Variants in LRRC31 observed in about 807,000 individuals in gnomAD.
LRRC31 encodes leucine rich repeat containing 31.
A neutral mutation model predicts 46.7 loss-of-function variants in LRRC31; 35 were observed. The observed-to-expected ratio is 0.75, with a 90% confidence interval of 0.57 to 0.99. LRRC31 has a LOEUF of 0.99. Among genes scored for constraint, LRRC31 ranks in the 50% least tolerant of loss-of-function variants. The pLI, the probability that LRRC31 is intolerant of heterozygous loss-of-function variation, is 0.00. For missense variants in LRRC31, 613 were observed against 626.1 expected, an observed-to-expected ratio of 0.98 and a Z score of 0.22; for synonymous variants, 236 against 235.1, an observed-to-expected ratio of 1.00 and a Z score of -0.03.
chr3:169,843,441 T>A (rs1780511940), intron 8 of LRRC31, among the ~76,000 whole-genome samples: 1 of 152,208 alleles, frequency 6.6e-6, no homozygotes, highest in Non-Finnish European at 1.5e-5. Context: ...TGTAATACCC[T>A]ACACAGAGAA....
chr3:169,863,246 A>G (rs1425215092), intron 1 of LRRC31, among the ~76,000 whole-genome samples: 2 of 152,194 alleles, frequency 1.3e-5, no homozygotes, highest in African/African-American at 4.8e-5. Context: ...ATGAATATAC[A>G]TGTACTGACA....
intron 1 of LRRC31, among the ~76,000 whole-genome samples, chr3:169,867,065 T>TTTTTTTTTTTTTTTTTTTTTTG (rs1781357442): frequency 6.9e-6 from 1 of 144,434 alleles, no homozygotes. Flanking sequence ...GTTTGTTTTT[T>TTTTTTTTTTTTTTTTTTTTTTG]TTTTTTTGAG....
At chr3:169,852,178 C>T (rs1358985409) in intron 6 of LRRC31, among the ~76,000 whole-genome samples, 1 of 150,906 alleles carries the variant, frequency 6.6e-6, no homozygotes, top group Admixed American at 6.6e-5. Flanking sequence ...GCGGGTGGAT[C>T]ACGAGGTCAG....
intron 1 of LRRC31, among the ~76,000 whole-genome samples, chr3:169,863,728 C>T (rs921641189): frequency 5.9e-5 from 9 of 152,058 alleles, no homozygotes; most frequent in Non-Finnish European, 8.8e-5. Context: ...ACAGGGTGCC[C>T]AGTTAAATTT....
chr3:169,844,254 A>T (rs1270155568), intron 8 of LRRC31, among the ~76,000 whole-genome samples: 2 of 152,238 alleles, frequency 1.3e-5, no homozygotes, highest in African/African-American at 4.8e-5. Context: ...AAGATAATAC[A>T]TAATGACCAT....
At position 169,867,038 on chromosome 3, in the gene LRRC31, G is replaced by GTTTTTT. The variant is rs1324128884; in HGVS notation, c.175+2589_175+2594dup. On this transcript the variant is annotated intron_variant, in intron 1 of 8. Coordinates refer to ENST00000316428, the MANE Select transcript of LRRC31 (RefSeq NM_024727.4). The stretch of plus-strand genomic sequence containing the variant: ...GTCTCAGAAAGAAAATTGGCCATGG[G>GTTTTTT]TTTTTTTTGTTTGTTTGTTTGTTTT... Among the ~76,000 whole-genome samples the GTTTTTT allele has an allele frequency of 6.7e-4, 84 of 126,310 alleles. 11 individuals carry two copies. The highest frequency in any genetic ancestry group is 3.2e-3 in the African/African-American group (72 of 22,224). 82.9% of individuals were successfully genotyped at this position (126,310 alleles called of 152,430 possible). A position where few individuals can be genotyped will look rare whatever the true frequency, so the allele number is the denominator to read the frequency against.
rs1491209579 is a variant in LRRC31, at chr3:169,857,345, T to TATATATATATATATACACAC, written c.488-474_488-473insGTGTGTATATATATATATAT. Among the ~76,000 whole-genome samples, 46 of 89,406 alleles carry TATATATATATATATACACAC rather than the reference T, an allele frequency of 5.1e-4. 1 individual carries two copies. The highest frequency in any genetic ancestry group is 6.7e-4 in the Non-Finnish European group (32 of 47,944). The allele number at this position is 89,406 out of a possible 152,430, so 58.7% of individuals were successfully genotyped here. ...ATATATATATATATATATATATATATACACACACACACACACACACACACA... is the reference window on the plus strand; with the variant it reads ...ATATATATATATATATATATATATATATATATATATATATACACACACACACACACACACACACACACACA... On this transcript the variant is annotated intron_variant, in intron 3 of 8. Coordinates refer to ENST00000316428, the MANE Select transcript of LRRC31 (RefSeq NM_024727.4).
Position 169,869,729 on chromosome 3 carries a change from C to T in LRRC31, c.79G>A (p.Gly27Ser). ...QTSTVNKFLR[G>S]SNAESRKEDN... ...TCTTTTCTGCTTTCAGCATTGGAGC[C>T]CCTGAGAAATTTGTTGACAGTTGAA... The change falls in exon 1 of 9, where the codon GGC (glycine) becomes AGC (serine). Residue 27 changes from glycine (G) to serine (S), a missense_variant. Transcript: ENST00000316428. The T allele has an allele frequency of 6.2e-7, 1 of 1,613,176 alleles. No homozygotes were observed.
intron 3 of LRRC31, among the ~76,000 whole-genome samples, chr3:169,860,073 G>A (rs1371771057): frequency 6.6e-6 from 1 of 151,742 alleles, no homozygotes; most frequent in African/African-American, 2.4e-5. Context: ...GAACCTGGGA[G>A]GCAGAGGTTG....
rs533075422 is a variant in LRRC31 at position 169,861,790 on chromosome 3, C to G, written c.199G>C (p.Glu67Gln). 203 of 1,614,034 alleles carry G rather than the reference C, an allele frequency of 1.3e-4. 3 individuals are homozygous for G. The South Asian group carries it at 2.1e-3, about 17-fold the overall frequency. Reference sequence around the variant, plus strand: ...TTTTTCTCCATACTGGATCTCCATTCCATTTCTGAACTGAGAGGCTTAGCT... The same window carrying G: ...TTTTTCTCCATACTGGATCTCCATTGCATTTCTGAACTGAGAGGCTTAGCT... ...ETAKPLSSEM[E>Q]WRSSMEKNEH... The change falls in exon 2 of 9, where the codon GAA becomes CAA. Residue 67 changes from glutamate to glutamine, a missense_variant. Transcript: ENST00000316428.
At chr3:169,867,047 G>GTTTTTTTT (rs1560636105) in intron 1 of LRRC31, among the ~76,000 whole-genome samples, 14 of 92,642 alleles carry the variant, frequency 1.5e-4, no homozygotes, top group East Asian at 1.1e-3. Context: ...GGTTTTTTTT[G>GTTTTTTTT]TTTGTTTGTT....
rs368537997 is a variant in LRRC31, at chr3:169,856,460, A to G, written c.699T>C (p.Leu233=). The G allele has an allele frequency of 4.2e-4, 681 of 1,605,966 alleles. No homozygotes were observed. The highest frequency in any genetic ancestry group is 5.5e-4 in the Non-Finnish European group (651 of 1,176,528). The change falls in exon 5 of 9, where the codon CTT becomes CTC. Residue 233 remains leucine, a synonymous_variant. Coordinates refer to ENST00000316428, the MANE Select transcript of LRRC31 (RefSeq NM_024727.4). ...PMLQSLEVLD[L]SINRDIVGSL... ...TGCCAACAATGTCTCTGTTAATGGA[A>G]AGATCAAGTACTTCGAGACTTTGCA...
intron 3 of LRRC31, among the ~76,000 whole-genome samples, chr3:169,857,345 T>TATATATATATACAC (rs1491209579): frequency 5.1e-4 from 46 of 89,410 alleles, no homozygotes; most frequent in East Asian, 3.5e-3. Flanking sequence ...TATATATATA[T>TATATATATATACAC]ACACACACAC....
intron 7 of LRRC31, among the ~76,000 whole-genome samples, chr3:169,849,988 C>T (rs1211765008): frequency 7.9e-5 from 12 of 152,112 alleles, no homozygotes; most frequent in Non-Finnish European, 1.5e-5. Context: ...CTCTTTTTTG[C>T]CCCCATACAC....
At chr3:169,847,835 C>T (rs1035797686) in intron 8 of LRRC31, among the ~76,000 whole-genome samples, 9 of 152,254 alleles carry the variant, frequency 5.9e-5, no homozygotes, top group Admixed American at 2.6e-4. Context: ...AGTGGGAACA[C>T]TCACGGACCG....
intron 6 of LRRC31, chr3:169,853,150 G>T: frequency 1.1e-6 from 1 of 901,286 alleles, no homozygotes; most frequent in Non-Finnish European, 1.3e-6. Flanking sequence ...CCATACCGAA[G>T]CTCCCTGAGA....
At position 169,851,713 on chromosome 3, in the gene LRRC31, A is replaced by G. The variant is rs1207858523; in HGVS notation, c.1065T>C (p.Ser355=). The part of the protein sequence containing the change: ...LSANKKMGSS[S]ENLLSRLRFL... The stretch of plus-strand genomic sequence containing the variant: ...ATCGGAGCCTGCTGAGTAAGTTTTC[A>G]GAAGAACTGCCCATCTTTTTGTTGG... Residue 355 remains serine, a synonymous_variant, in exon 7 of 9, where the codon TCT becomes TCC. Coordinates refer to ENST00000316428, the MANE Select transcript of LRRC31 (RefSeq NM_024727.4). The G allele has an allele frequency of 3.1e-6, 5 of 1,614,176 alleles. No homozygotes were observed. The highest frequency in any genetic ancestry group is 2.2e-5 in the South Asian group (2 of 91,084).
intron 6 of LRRC31, chr3:169,853,568 C>T: frequency 2.0e-6 from 2 of 985,810 alleles, no homozygotes; most frequent in South Asian, 9.4e-5. Context: ...GGGCTAATAA[C>T]TCTGAATGTC....
At chr3:169,849,869 T>C (rs1780704499) in intron 7 of LRRC31, among the ~76,000 whole-genome samples, 1 of 152,220 alleles carries the variant, frequency 6.6e-6, no homozygotes, top group Non-Finnish European at 1.5e-5. Context: ...AGTTAGGAAA[T>C]GGTATGAACA....
Sources: gnomAD v4.1 joint callset for allele counts (sites outside exome capture counted in the v4.1 genomes callset) on GRCh38, gnomAD v4.1.1 for gene constraint, MANE v1.5 for transcripts, NCBI Gene and HGNC (gene_info 2026-07-23, HGNC 2026-07-21) for gene names.